C1orf21: variants seen among roughly 807,000 people sequenced by gnomAD.
The protein encoded by C1orf21 is uncharacterized protein C1orf21.
In C1orf21, 3 loss-of-function variants were observed where a neutral mutation model predicts 18.7. The observed-to-expected ratio is 0.16, with a 90% confidence interval of 0.07 to 0.42. The LOEUF (loss-of-function observed/expected upper bound fraction) is 0.42, where lower values mean the gene tolerates loss of function less well. C1orf21 is among the 10% of genes least tolerant of loss of function. C1orf21 has a pLI of 0.99. For synonymous variants in C1orf21, 41 were observed against 46.4 expected (o/e 0.88, Z 0.47); for missense variants, 104 against 143.6 (o/e 0.72, Z 1.41).
intron 3 of C1orf21, among the ~76,000 whole-genome samples, chr1:184,514,206 G>T (rs1325429000): frequency 6.6e-6 from 1 of 152,174 alleles, no homozygotes; most frequent in African/African-American, 2.4e-5. Flanking sequence ...TCAGCAGGCT[G>T]AGGCAGGAGG....
intron 3 of C1orf21, among the ~76,000 whole-genome samples, chr1:184,547,154 G>A (rs1461915862): frequency 6.6e-6 from 1 of 152,182 alleles, no homozygotes; most frequent in Admixed American, 6.5e-5. Flanking sequence ...AGGAGAATGA[G>A]GGCAAGAGTA....
chr1:184,552,239 G>A lies in C1orf21; in HGVS notation c.190-38500G>A, dbSNP rs562159630. ...TAACACAGATTTTTAAATGGGCAAA[G>A]GATAGGAATAGATAATTTGCAGAAC... On this transcript the variant is annotated intron_variant, in intron 3 of 5. Transcript: ENST00000235307. Among the ~76,000 whole-genome samples the A allele has an allele frequency of 8.5e-5, 13 of 152,242 alleles. 1 individual carries two copies. In the South Asian group the frequency reaches 1.9e-3, roughly 22 times the overall value.
intron 3 of C1orf21, among the ~76,000 whole-genome samples, chr1:184,586,740 G>A (rs1659359776): frequency 6.6e-6 from 1 of 151,902 alleles, no homozygotes; most frequent in Non-Finnish European, 1.5e-5. Context: ...ATAGTTTTTT[G>A]TTTTTTGTTT....
Position 184,477,570 on chromosome 1 carries a change from G to T in C1orf21, c.61G>T (p.Gly21Trp). 1.2e-6 allele frequency: 2 copies of T among 1,614,014 alleles called. No homozygotes were observed. Among genetic ancestry groups the T allele is most frequent in the Non-Finnish European group, 1.7e-6 (2 of 1,179,922 alleles). Reference sequence around the variant, plus strand: ...TCAAAATGAAGAGGAAGCCCAGAAAGGGAAAAACTACCAGAACGGAGATGT... The same window carrying T: ...TCAAAATGAAGAGGAAGCCCAGAAATGGAAAAACTACCAGAACGGAGATGT... ...TVQNEEEAQKGKNYQNGDVFG... is the reference protein window; with the variant it reads ...TVQNEEEAQKWKNYQNGDVFG... Residue 21 changes from glycine to tryptophan, a missense_variant, in exon 2 of 6, where the codon GGG becomes TGG. Physicochemically the swap from Gly to Trp is radical, Grantham distance 184 (BLOSUM62 -2). Coordinates refer to ENST00000235307, the MANE Select transcript of C1orf21 (RefSeq NM_030806.4).
intron 2 of C1orf21, among the ~76,000 whole-genome samples, chr1:184,491,803 G>T (rs1342982312): frequency 2.6e-5 from 4 of 152,174 alleles, no homozygotes; most frequent in Non-Finnish European, 5.9e-5. Flanking sequence ...CCTGTTTTCA[G>T]CCCTGCACCC....
intron 3 of C1orf21, among the ~76,000 whole-genome samples, chr1:184,536,943 A>G (rs1255561510): frequency 6.6e-6 from 1 of 152,140 alleles, no homozygotes; most frequent in Non-Finnish European, 1.5e-5. Flanking sequence ...TCTTTTTGCA[A>G]CTTTCTCATC....
chr1:184,519,234 A>G (rs1017840068), intron 3 of C1orf21, among the ~76,000 whole-genome samples: 4 of 152,196 alleles, frequency 2.6e-5, no homozygotes, highest in Admixed American at 6.5e-5. Context: ...GCAGGGTGCT[A>G]TCTAAAAGTG....
chr1:184,587,268 T>C (rs1459040132), intron 3 of C1orf21, among the ~76,000 whole-genome samples: 1 of 151,646 alleles, frequency 6.6e-6, no homozygotes, highest in East Asian at 1.9e-4. Context: ...TGGGCTTTTT[T>C]TTTTTTTTTT....
chr1:184,565,383 G>T (rs1030071666), intron 3 of C1orf21, among the ~76,000 whole-genome samples: 2 of 152,178 alleles, frequency 1.3e-5, no homozygotes, highest in African/African-American at 2.4e-5. Flanking sequence ...AGAAACTAAG[G>T]CTCTAAGAGT....
At chr1:184,491,843 G>A (rs1448756891) in intron 2 of C1orf21, among the ~76,000 whole-genome samples, 1 of 152,196 alleles carries the variant, frequency 6.6e-6, no homozygotes, top group African/African-American at 2.4e-5. Context: ...GAGAACAAAA[G>A]TAAAGATAGG....
chr1:184,396,022 G>C (rs1656044561), intron 1 of C1orf21, among the ~76,000 whole-genome samples: 1 of 152,154 alleles, frequency 6.6e-6, no homozygotes, highest in Non-Finnish European at 1.5e-5. Context: ...GGGGCAGATG[G>C]AAGATGAAGT....
intron 3 of C1orf21, among the ~76,000 whole-genome samples, chr1:184,526,890 G>C (rs187783147): frequency 6.6e-6 from 1 of 152,128 alleles, no homozygotes; most frequent in East Asian, 1.9e-4. Flanking sequence ...GGTATTATAA[G>C]TAAAACCCGC....
At chr1:184,509,592 A>C (rs1658114020) in intron 3 of C1orf21, among the ~76,000 whole-genome samples, 1 of 152,226 alleles carries the variant, frequency 6.6e-6, no homozygotes, top group African/African-American at 2.4e-5. Context: ...CCTTTGGGGA[A>C]CATAATCAAG....
intron 1 of C1orf21, among the ~76,000 whole-genome samples, chr1:184,456,778 A>G (rs1026172932): frequency 2.6e-5 from 4 of 152,166 alleles, no homozygotes; most frequent in Admixed American, 1.3e-4. Context: ...CATGCTAGTT[A>G]TATCAATTAC....
chr1:184,457,975 A>G (rs1322546885), intron 1 of C1orf21, among the ~76,000 whole-genome samples: 4 of 152,246 alleles, frequency 2.6e-5, no homozygotes, highest in African/African-American at 9.6e-5. Context: ...TCAAATTCTC[A>G]GAATGATCCT....
chr1:184,448,041 C>T (rs1052644917), intron 1 of C1orf21, among the ~76,000 whole-genome samples: 2 of 152,168 alleles, frequency 1.3e-5, no homozygotes, highest in African/African-American at 4.8e-5. Flanking sequence ...ACCCTACCCG[C>T]TTCTGTCTTG....
intron 3 of C1orf21, chr1:184,566,866 G>T (rs957179767): frequency 2.0e-5 from 10 of 493,826 alleles, no homozygotes; most frequent in Admixed American, 4.4e-5. Flanking sequence ...GAGTCAATGT[G>T]ACAACAGCTG....
At chr1:184,473,677 A>G (rs1657527279) in intron 1 of C1orf21, among the ~76,000 whole-genome samples, 1 of 152,176 alleles carries the variant, frequency 6.6e-6, no homozygotes. Context: ...AATCAGGGAT[A>G]TTTTAATCCT....
intron 1 of C1orf21, among the ~76,000 whole-genome samples, chr1:184,420,290 C>T (rs970847498): frequency 3.3e-5 from 5 of 151,250 alleles, no homozygotes; most frequent in African/African-American, 1.2e-4. Context: ...CCTAAAATTA[C>T]TTTTGTGGGG....
Sources: allele counts gnomAD v4.1 joint callset (sites outside exome capture counted in the v4.1 genomes callset), GRCh38; gene constraint gnomAD v4.1.1; transcripts MANE v1.5; gene names NCBI Gene and HGNC (gene_info 2026-07-23, HGNC 2026-07-21).